KPNA5: variants seen among roughly 807,000 people sequenced by gnomAD.
The protein encoded by KPNA5 is importin subunit alpha-6.
Under a neutral mutation model 71.3 loss-of-function variants are expected in KPNA5, and 46 were observed. The observed-to-expected ratio is 0.65, with a 90% confidence interval of 0.51 to 0.83. The LOEUF (loss-of-function observed/expected upper bound fraction) is 0.83. Among genes scored for constraint, KPNA5 ranks in the 40% least tolerant of loss-of-function variants. The pLI is 0.00. For synonymous variants in KPNA5, 207 were observed against 201.4 expected, an observed-to-expected ratio of 1.03 and a Z score of -0.24; for missense variants, 547 against 628.3, an observed-to-expected ratio of 0.87 and a Z score of 1.38.
At chr6:116,686,342 G>A (rs1777587793) in intron 1 of KPNA5, among the ~76,000 whole-genome samples, 1 of 152,100 alleles carries the variant, frequency 6.6e-6, no homozygotes, top group South Asian at 2.1e-4. Context: ...TTGGCTGCAT[G>A]TATGTCCTTT....
Position 116,732,077 on chromosome 6 carries a change from TA to T in KPNA5, c.1433-58del, listed in dbSNP as rs1779508447. 819 of 144,730 alleles carry T rather than the reference TA, an allele frequency of 5.7e-3. 67 individuals are homozygous for T. Among genetic ancestry groups the T allele is most frequent in the African/African-American group, 0.01 (246 of 24,160 alleles). 9.0% of individuals were successfully genotyped at this position (144,730 alleles called of 1,614,324 possible). Reference sequence around the variant, plus strand: ...TGAAATTGTAGTAACAGTTTGTTTATATATATATATATATATATATATATAT... The same window carrying T: ...TGAAATTGTAGTAACAGTTTGTTTATTATATATATATATATATATATATAT... On this transcript the variant is annotated intron_variant, in intron 13 of 13. Transcript: ENST00000368564.
chr6:116,695,378 A>T (rs148469038), intron 4 of KPNA5, among the ~76,000 whole-genome samples: 2 of 152,074 alleles, frequency 1.3e-5, no homozygotes, highest in African/African-American at 2.4e-5. Flanking sequence ...CCAATTTTAT[A>T]TTGAGTTAAT....
In KPNA5 at chr6:116,735,773, AAAT is replaced by A. The variant is rs1779649997; in HGVS notation, c.*3452_*3454del. 6.6e-6 allele frequency: 1 copy of A among 151,822 alleles called. No homozygotes were observed. The highest frequency in any genetic ancestry group is 1.5e-5 in the Non-Finnish European group (1 of 67,808). 9.4% of individuals were successfully genotyped at this position (151,822 alleles called of 1,614,324 possible). A position where few individuals can be genotyped will look rare whatever the true frequency, so the allele number is the denominator to read the frequency against. ...AAAGGAGAAAAAATAGAATTATAAA[AAAT>A]AGCTAATCCAAAACTAGACAGAAAA... On this transcript the variant is annotated 3_prime_UTR_variant, in exon 14 of 14. Transcript: ENST00000368564.
At chr6:116,699,068 C>T (rs1389383255) in intron 5 of KPNA5, among the ~76,000 whole-genome samples, 1 of 151,922 alleles carries the variant, frequency 6.6e-6, no homozygotes, top group African/African-American at 2.4e-5. Flanking sequence ...CCTTTAGTAA[C>T]TTTTTTGTTT....
chr6:116,686,412 G>A (rs943200636), intron 1 of KPNA5, among the ~76,000 whole-genome samples: 1 of 151,914 alleles, frequency 6.6e-6, no homozygotes, highest in African/African-American at 2.4e-5. Context: ...TATTTTTCTT[G>A]TAAATTTGTT....
chr6:116,705,529 A>G (rs1778407342), intron 7 of KPNA5, among the ~76,000 whole-genome samples: 1 of 152,186 alleles, frequency 6.6e-6, no homozygotes, highest in Admixed American at 6.5e-5. Flanking sequence ...AAATTTTATT[A>G]AAAGAACCAA....
chr6:116,689,727 ATCACT>A (rs1186713105), intron 2 of KPNA5, among the ~76,000 whole-genome samples: 6 of 152,172 alleles, frequency 3.9e-5, no homozygotes, highest in African/African-American at 1.4e-4. Flanking sequence ...ATCTATTTAG[ATCACT>A]TCCATTTGTC....
chr6:116,689,717 A>G (rs1777721014), intron 2 of KPNA5, among the ~76,000 whole-genome samples: 1 of 152,174 alleles, frequency 6.6e-6, no homozygotes, highest in East Asian at 1.9e-4. Flanking sequence ...TTCCTCTTGC[A>G]TCTATTTAGA....
intron 4 of KPNA5, among the ~76,000 whole-genome samples, chr6:116,694,637 G>A (rs1472614533): frequency 6.6e-6 from 1 of 152,098 alleles, no homozygotes; most frequent in Non-Finnish European, 1.5e-5. Context: ...GAGATTTTGG[G>A]CTGAGACGAT....
rs746372610 is a variant in KPNA5, at chr6:116,726,481, T to A, written c.1126-14T>A. The A allele has an allele frequency of 6.2e-7, 1 of 1,603,606 alleles. No homozygotes were observed. The highest frequency in any genetic ancestry group is 8.5e-7 in the Non-Finnish European group (1 of 1,172,426). On this transcript the variant is annotated splice_polypyrimidine_tract_variant and intron_variant, in intron 11 of 13. Transcript: ENST00000368564. ...ACAGTATTTGTACTGATTATATATT[T>A]TTCCCCCTCTCAGGCTGTTATAGAT...
intron 8 of KPNA5, among the ~76,000 whole-genome samples, chr6:116,717,911 C>T (rs1187637085): frequency 6.6e-6 from 1 of 152,124 alleles, no homozygotes; most frequent in South Asian, 2.1e-4. Flanking sequence ...GAAAGTTATA[C>T]TCCGTCATTT....
chr6:116,691,801 C>G (rs1777810035), intron 2 of KPNA5, among the ~76,000 whole-genome samples: 1 of 152,190 alleles, frequency 6.6e-6, no homozygotes, highest in African/African-American at 2.4e-5. Flanking sequence ...TACACGCTTA[C>G]TGTTGGTAAA....
At chr6:116,693,609 T>G (rs908886033) in intron 4 of KPNA5, among the ~76,000 whole-genome samples, 10 of 152,228 alleles carry the variant, frequency 6.6e-5, no homozygotes, top group African/African-American at 2.2e-4. Context: ...TAAATTTGTT[T>G]GAGTTCTTTG....
At chr6:116,698,642 C>G in intron 4 of KPNA5, 62 bp from the exon 5 acceptor site, 1 of 927,170 alleles carries the variant, frequency 1.1e-6, no homozygotes. Context: ...TTAATGGACA[C>G]AGGGACTAGA....
At chr6:116,724,438 A>G in intron 10 of KPNA5, 63 bp downstream of exon 10, 1 of 1,055,478 alleles carries the variant, frequency 9.5e-7, no homozygotes, top group Non-Finnish European at 1.5e-6. Flanking sequence ...TTTATGTTTC[A>G]TACAACTTGA....
rs770349231 is a variant in KPNA5 at position 116,716,199 on chromosome 6, T to C, written c.657-20T>C. ...AAATGAATGTAAGGTGATAATTCTT[T>C]TTTTTCTTTTTCTTGGCAGGTTATT... On this transcript the variant is annotated intron_variant, in intron 7 of 13. Coordinates refer to ENST00000368564, the MANE Select transcript of KPNA5 (RefSeq NM_001366306.2). The C allele has an allele frequency of 4.4e-6, 7 of 1,577,266 alleles. No individual in the cohort carries two copies. In the Admixed American group the frequency reaches 8.7e-5, roughly 20 times the overall value.
At chr6:116,688,136 A>G (rs1003450464) in intron 1 of KPNA5, among the ~76,000 whole-genome samples, 44 of 152,106 alleles carry the variant, frequency 2.9e-4, no homozygotes, top group Non-Finnish European at 5.9e-4. Flanking sequence ...TTTCCTTTAA[A>G]ATAGGATACC....
intron 4 of KPNA5, among the ~76,000 whole-genome samples, chr6:116,695,440 GAAT>G (rs1162726238): frequency 6.6e-6 from 1 of 151,894 alleles, no homozygotes; most frequent in East Asian, 1.9e-4. Flanking sequence ...TTCATATATG[GAAT>G]TTATTGAACT....
intron 13 of KPNA5, among the ~76,000 whole-genome samples, chr6:116,729,980 G>T (rs1323168755): frequency 5.6e-5 from 8 of 144,038 alleles, no homozygotes; most frequent in Non-Finnish European, 1.1e-4. Flanking sequence ...ATAGTTTTAT[G>T]TTCTACTTTT....
Sources: allele counts gnomAD v4.1 joint callset (sites outside exome capture counted in the v4.1 genomes callset), GRCh38; gene constraint gnomAD v4.1.1; transcripts MANE v1.5; gene names NCBI Gene and HGNC (gene_info 2026-07-23, HGNC 2026-07-21).